Variants in MTNR1B observed in about 807,000 individuals in gnomAD.
The protein encoded by MTNR1B is melatonin receptor 1B, also known as melatonin receptor type 1B.
MTNR1B carries 7 observed loss-of-function variants against 7.0 expected under a neutral mutation model. The observed-to-expected ratio is 1.00, with a 90% CI of 0.57 to 1.88. The LOEUF (loss-of-function observed/expected upper bound fraction) is 1.88. Ranked by LOEUF, MTNR1B falls within the 40% of genes most tolerant of loss-of-function variation. MTNR1B has a pLI of 0.00. For synonymous variants in MTNR1B, 226 were observed against 208.2 expected (o/e 1.09, Z -0.74); for missense variants, 478 against 486.5 (o/e 0.98, Z 0.16).
Position 92,982,491 on chromosome 11 carries a change from A to G in MTNR1B, c.*179A>G. 1 of 705,426 alleles carries G rather than the reference A, an allele frequency of 1.4e-6. No individual in the cohort carries two copies. The highest frequency in any genetic ancestry group is 3.0e-5 in the Admixed American group (1 of 33,348). The allele number at this position is 705,426 out of a possible 1,614,324, so 43.7% of individuals were successfully genotyped here. ...CCATCAACGCCATGGGTTCAGGCTGATCCAGGAGATGCTCACAGGCCACAG... is the reference window on the plus strand; with the variant it reads ...CCATCAACGCCATGGGTTCAGGCTGGTCCAGGAGATGCTCACAGGCCACAG... On this transcript the variant is annotated 3_prime_UTR_variant, in exon 2 of 2. Coordinates refer to ENST00000257068, the MANE Select transcript of MTNR1B (RefSeq NM_005959.5).
At chr11:92,982,947 C>CCCCCACA (rs749633184), downstream of MTNR1B, among the ~76,000 whole-genome samples, 3 of 66,320 alleles carry the variant, frequency 4.5e-5, no homozygotes, top group African/African-American at 1.9e-4. Context: ...CCCCCCCCCC[C>CCCCCACA]CACACACACA....
chr11:92,983,411 G>A (rs1190694539), downstream of MTNR1B, among the ~76,000 whole-genome samples: 1 of 152,034 alleles, frequency 6.6e-6, no homozygotes, highest in Non-Finnish European at 1.5e-5. Context: ...TACTCAGGAG[G>A]CTGAGGTGGG....
chr11:92,971,951 T>C (rs1857933073), intron 1 of MTNR1B, among the ~76,000 whole-genome samples: 3 of 152,198 alleles, frequency 2.0e-5, no homozygotes. Flanking sequence ...AATAACACTA[T>C]ATCTAAATGA....
chr11:92,980,794 G>A (rs1054803746), intron 1 of MTNR1B, among the ~76,000 whole-genome samples: 4 of 152,170 alleles, frequency 2.6e-5, no homozygotes, highest in Non-Finnish European at 4.4e-5. Flanking sequence ...CTGTCAACAT[G>A]GCCACAAGGC....
At chr11:92,972,991 T>A (rs142412373) in intron 1 of MTNR1B, among the ~76,000 whole-genome samples, 65 of 152,250 alleles carry the variant, frequency 4.3e-4, no homozygotes, top group African/African-American at 1.5e-3. Flanking sequence ...ATCTACTGGT[T>A]CTACCCCATT....
At position 92,982,120 on chromosome 11, in the gene MTNR1B, C is replaced by T; in HGVS notation, c.897C>T (p.Phe299=). The change falls in exon 2 of 2, where the codon TTC becomes TTT. Residue 299 remains phenylalanine, a synonymous_variant. Transcript: ENST00000257068. ...LFVTSYLLAY[F]NSCLNAIVYG... Reference sequence around the variant, plus strand: ...TCACTAGCTACTTACTGGCTTATTTCAACAGCTGCCTGAATGCCATTGTCT... The same window carrying T: ...TCACTAGCTACTTACTGGCTTATTTTAACAGCTGCCTGAATGCCATTGTCT... 1.9e-6 allele frequency: 3 copies of T among 1,614,220 alleles called. No individual in the cohort carries two copies. Among genetic ancestry groups the T allele is most frequent in the Non-Finnish European group, 2.5e-6 (3 of 1,180,050 alleles).
In MTNR1B at chr11:92,973,091, G is replaced by C. The variant is rs193103592; in HGVS notation, c.223+3143G>C. Among the ~76,000 whole-genome samples, 90 of 152,120 alleles carry C rather than the reference G, an allele frequency of 5.9e-4. 1 individual carries two copies. Among genetic ancestry groups the C allele is most frequent in the Admixed American group, 5.3e-3 (81 of 15,264 alleles). On this transcript the variant is annotated intron_variant, in intron 1 of 1. Transcript: ENST00000257068. ...GACACTGAGGGCCACTCCCTCTGTG[G>C]GACCTTTCATTCCCTCGGCTAACCT...
At chr11:92,971,571 G>T (rs1023648216) in intron 1 of MTNR1B, among the ~76,000 whole-genome samples, 4 of 152,132 alleles carry the variant, frequency 2.6e-5, no homozygotes, top group African/African-American at 7.2e-5. Context: ...TGGCTCTATG[G>T]GGGAGAAATG....
chr11:92,970,062 T>G, intron 1 of MTNR1B, 114 bp downstream of exon 1: 1 of 1,311,534 alleles, frequency 7.6e-7, no homozygotes, highest in Non-Finnish European at 9.9e-7. Context: ...GGGCTCCCCT[T>G]TCCCTTCACT....
downstream of MTNR1B, among the ~76,000 whole-genome samples, chr11:92,983,227 A>G (rs1858148620): frequency 6.6e-6 from 1 of 152,192 alleles, no homozygotes; most frequent in Admixed American, 6.5e-5. Flanking sequence ...TTATAACTAC[A>G]TAAAATGAAG....
In MTNR1B at chr11:92,981,531, A is replaced by G; in HGVS notation, c.308A>G (p.Tyr103Cys). The G allele has an allele frequency of 1.2e-6, 2 of 1,614,166 alleles. No homozygotes were observed. The highest frequency in any genetic ancestry group is 1.7e-6 in the Non-Finnish European group (2 of 1,180,024). ...PYPLILVAIF[Y>C]DGWALGEEHC... ...CCGCTAATCCTCGTGGCCATCTTCT[A>G]TGACGGCTGGGCCCTGGGGGAGGAG... The change falls in exon 2 of 2, where the codon TAT becomes TGT. Residue 103 changes from tyrosine (Y) to cysteine (C), a missense_variant. Tyr to Cys is a radical substitution (Grantham distance 194, BLOSUM62 -2). Coordinates refer to ENST00000257068, the MANE Select transcript of MTNR1B (RefSeq NM_005959.5).
At chr11:92,982,936 A>ACCCCCC (rs71473980), downstream of MTNR1B, among the ~76,000 whole-genome samples, 1 of 49,170 alleles carries the variant, frequency 2.0e-5, no homozygotes, top group Non-Finnish European at 4.0e-5. Flanking sequence ...AACACACTGC[A>ACCCCCC]CCCCCCCCCC....
chr11:92,973,281 C>T (rs1857961957), intron 1 of MTNR1B, among the ~76,000 whole-genome samples: 1 of 152,148 alleles, frequency 6.6e-6, no homozygotes, highest in Admixed American at 6.5e-5. Flanking sequence ...TACTGCCCCA[C>T]TTCATGCCTT....
At chr11:92,983,808 C>T (rs895589226), downstream of MTNR1B, among the ~76,000 whole-genome samples, 117 of 152,268 alleles carry the variant, frequency 7.7e-4, no homozygotes, top group African/African-American at 2.5e-3. Context: ...CAAGTAATAT[C>T]CATTGGTGCT....
chr11:92,983,864 C>A (rs1481282455), downstream of MTNR1B, among the ~76,000 whole-genome samples: 5 of 152,116 alleles, frequency 3.3e-5, no homozygotes, highest in Non-Finnish European at 5.9e-5. Context: ...TGCATTATGT[C>A]ATTTAATCCC....
intron 1 of MTNR1B, among the ~76,000 whole-genome samples, chr11:92,977,000 T>G (rs554668576): frequency 9.9e-5 from 15 of 152,244 alleles, no homozygotes; most frequent in Non-Finnish European, 2.2e-4. Flanking sequence ...TTTGTTGCTA[T>G]TAAGTGTAAA....
intron 1 of MTNR1B, among the ~76,000 whole-genome samples, chr11:92,971,369 C>G (rs1299807544): frequency 1.3e-5 from 2 of 152,210 alleles, no homozygotes; most frequent in African/African-American, 2.4e-5. Context: ...AACTTTCTAA[C>G]TCACTTCAGT....
chr11:92,979,456 G>A (rs1013849832), intron 1 of MTNR1B, among the ~76,000 whole-genome samples: 1 of 152,184 alleles, frequency 6.6e-6, no homozygotes, highest in African/African-American at 2.4e-5. Context: ...GTACCAACCA[G>A]AAAGGAAATG....
Position 92,981,699 on chromosome 11 carries a change from T to TG in MTNR1B, c.477dup (p.His160AlafsTer109). 3.1e-6 allele frequency: 5 copies of TG among 1,614,270 alleles called. No homozygotes were observed. Among genetic ancestry groups the TG allele is most frequent in the Non-Finnish European group, 4.2e-6 (5 of 1,180,044 alleles). ...ATCTACCGGCGCTGGCACACCCCTC[T>TG]GCACATCTGCCTCATCTGGCTCCTC... On this transcript the variant is annotated frameshift_variant, in exon 2 of 2. Coordinates refer to ENST00000257068, the MANE Select transcript of MTNR1B (RefSeq NM_005959.5). LOFTEE classifies it low-confidence loss of function (END_TRUNC).
Sources: gnomAD v4.1 joint callset for allele counts (sites outside exome capture counted in the v4.1 genomes callset) on GRCh38, gnomAD v4.1.1 for gene constraint, MANE v1.5 for transcripts, NCBI Gene and HGNC (gene_info 2026-07-23, HGNC 2026-07-21) for gene names.